NTRK1: variants seen among roughly 807,000 people sequenced by gnomAD.
The protein encoded by NTRK1 is high affinity nerve growth factor receptor.
In NTRK1, 62 loss-of-function variants were observed where a neutral mutation model predicts 86.8. The ratio of observed to expected loss-of-function variants is 0.71; its 90% confidence interval spans 0.58 to 0.88. The LOEUF (loss-of-function observed/expected upper bound fraction) is 0.88, where lower values mean the gene tolerates loss of function less well. NTRK1 is among the 40% of genes least tolerant of loss of function. The pLI, the probability that NTRK1 is intolerant of heterozygous loss-of-function variation, is 0.00. For missense variants in NTRK1, 967 were observed against 1,078.4 expected, an observed-to-expected ratio of 0.90 and a Z score of 1.45; for synonymous variants, 469 against 456.6, an observed-to-expected ratio of 1.03 and a Z score of -0.35.
chr1:156,836,320 C>T (rs1214342575), intron 1 of NTRK1, among the ~76,000 whole-genome samples: 1 of 152,210 alleles, frequency 6.6e-6, no homozygotes, highest in Non-Finnish European at 1.5e-5. Flanking sequence ...AGAGCTTCCA[C>T]AGCTGTGCAT....
intron 1 of NTRK1, among the ~76,000 whole-genome samples, chr1:156,863,261 G>C (rs943624065): frequency 6.6e-6 from 1 of 152,006 alleles, no homozygotes. Flanking sequence ...TTATCTGTCT[G>C]TCTCCCTCCC....
chr1:156,839,289 T>C (rs892408238), intron 1 of NTRK1, among the ~76,000 whole-genome samples: 5 of 152,194 alleles, frequency 3.3e-5, no homozygotes, highest in African/African-American at 1.2e-4. Flanking sequence ...GCACAGAAAG[T>C]CTCATCTCGC....
rs376870955 is a variant in NTRK1 at position 156,861,086 on chromosome 1, C to T, written c.152C>T (p.Thr51Ile). ...CPHGSSGLRC[T>I]RDGALDSLHH... ...CACGGCTCCTCGGGACTGCGATGCA[C>T]CCGGGATGGGGCCCTGGATAGCCTC... Residue 51 changes from threonine (T) to isoleucine (I), a missense_variant, in exon 1 of 17, where the codon ACC becomes ATC. By Grantham distance (89) the Thr-to-Ile change is moderately conservative. Coordinates refer to ENST00000524377, the MANE Select transcript of NTRK1 (RefSeq NM_002529.4). 2.7e-5 allele frequency: 43 copies of T among 1,581,946 alleles called. No homozygotes were observed. The highest frequency in any genetic ancestry group is 3.6e-5 in the Non-Finnish European group (42 of 1,168,336).
chr1:156,821,711 G>A (rs1654196522), intron 1 of NTRK1, among the ~76,000 whole-genome samples: 1 of 152,198 alleles, frequency 6.6e-6, no homozygotes, highest in South Asian at 2.1e-4. Flanking sequence ...TGCTTGGTAA[G>A]CATTTCACTT....
intron 2 of NTRK1, among the ~76,000 whole-genome samples, chr1:156,847,334 CA>C (rs1655047227): frequency 6.6e-6 from 1 of 152,344 alleles, no homozygotes; most frequent in East Asian, 1.9e-4. Context: ...ATTAAGGGGC[CA>C]GAGGCAACTA....
In NTRK1 at chr1:156,840,941, C is replaced by T. The variant is rs780044274; in HGVS notation, c.-63-1140C>T. 1.9e-5 allele frequency: 30 copies of T among 1,613,940 alleles called. No homozygotes were observed. The South Asian group carries it at 1.9e-4, about 10-fold the overall frequency. Reference sequence around the variant, plus strand: ...GTGGGTGAGGAGTCAGGCTCTGCATCGGTGGTAGGCAGGGAGCCCCGGGCC... The same window carrying T: ...GTGGGTGAGGAGTCAGGCTCTGCATTGGTGGTAGGCAGGGAGCCCCGGGCC... On this transcript the variant is annotated intron_variant, in intron 1 of 16. Coordinates refer to the NTRK1 transcript ENST00000392302.
At chr1:156,866,821 T>C in intron 3 of NTRK1, 89 bp from the exon 4 acceptor site, 1 of 1,407,074 alleles carries the variant, frequency 7.1e-7, no homozygotes, top group Non-Finnish European at 1.0e-6. Flanking sequence ...GATGTCAACT[T>C]CTTTCTTGGC....
At chr1:156,875,375 T>G in intron 11 of NTRK1, 145 bp from the exon 12 acceptor site, 1 of 1,108,176 alleles carries the variant, frequency 9.0e-7, no homozygotes, top group Non-Finnish European at 1.4e-6. Context: ...GGTGCCCCCT[T>G]CCCCCTGCCT....
intron 1 of NTRK1, 111 bp downstream of exon 1, chr1:156,861,257 A>G (rs1250174340): frequency 5.4e-6 from 7 of 1,293,770 alleles, no homozygotes; most frequent in African/African-American, 1.5e-5. Flanking sequence ...GCACGGCGGA[A>G]GGCTGGCACC....
rs529304007 is a variant in NTRK1 at position 156,854,416 on chromosome 1, C to T, written c.51-9938C>T. 23 of 1,147,294 alleles carry T rather than the reference C, an allele frequency of 2.0e-5. No individual in the cohort carries two copies. The highest frequency in any genetic ancestry group is 2.5e-5 in the Non-Finnish European group (21 of 823,946). 71.1% of individuals were successfully genotyped at this position (1,147,294 alleles called of 1,614,324 possible). ...GGCAGTAGGACAATGAGTGAGGAGCCGGGCTCTGCTCTGGGTGTGGGGTGG... is the reference window on the plus strand; with the variant it reads ...GGCAGTAGGACAATGAGTGAGGAGCTGGGCTCTGCTCTGGGTGTGGGGTGG... On this transcript the variant is annotated intron_variant, in intron 2 of 16. Coordinates refer to the NTRK1 transcript ENST00000392302. This position sits in a 1 kb window ranked among gnomAD's most constrained non-coding sequence, Gnocchi z 4.2.
chr1:156,823,985 G>T (rs1219466504), intron 1 of NTRK1, among the ~76,000 whole-genome samples: 1 of 152,208 alleles, frequency 6.6e-6, no homozygotes, highest in African/African-American at 2.4e-5. Flanking sequence ...ATCTGCCAGT[G>T]CTGGGCCTGG....
chr1:156,852,202 A>G, intron 2 of NTRK1: 1 of 1,578,418 alleles, frequency 6.3e-7, no homozygotes, highest in Non-Finnish European at 8.6e-7. Context: ...CTGTGGGGAG[A>G]GTGGTGTGTT....
In NTRK1 at chr1:156,833,463, A is replaced by G. The variant is rs536858571; in HGVS notation, c.-63-8618A>G. 2.0e-5 allele frequency among the ~76,000 whole-genome samples: 3 copies of G among 152,240 alleles called. No homozygotes were observed. In the South Asian group the frequency reaches 6.2e-4, roughly 32 times the overall value. On this transcript the variant is annotated intron_variant, in intron 1 of 16. Transcript: ENST00000392302. ...TCCCAGCTACTCGGGAGGCTGAGGC[A>G]GGAGAATTGCTTGACCCTGGGAGGT...
At chr1:156,821,329 A>C (rs1158377401) in intron 1 of NTRK1, among the ~76,000 whole-genome samples, 1 of 152,024 alleles carries the variant, frequency 6.6e-6, no homozygotes, top group Non-Finnish European at 1.5e-5. Flanking sequence ...GATGCCCTTT[A>C]TTTCTTTCCC....
In NTRK1 at chr1:156,854,382, A is replaced by T; in HGVS notation, c.51-9972A>T. 1.4e-6 allele frequency: 2 copies of T among 1,379,680 alleles called. No homozygotes were observed. The highest frequency in any genetic ancestry group is 1.4e-5 in the South Asian group (1 of 72,966). The allele number at this position is 1,379,680 out of a possible 1,614,324, so 85.5% of individuals were successfully genotyped here. A position where few individuals can be genotyped will look rare whatever the true frequency, so the allele number is the denominator to read the frequency against. ...TCCAGCCCTGGCAGCTTTGGAGGGG[A>T]GCCACACTGGCAGTAGGACAATGAG... On this transcript the variant is annotated intron_variant, in intron 2 of 16. Transcript: ENST00000392302. The surrounding 1 kb of genome is among the most constrained non-coding windows in gnomAD (Gnocchi z 4.2).
intron 1 of NTRK1, among the ~76,000 whole-genome samples, chr1:156,820,681 C>T (rs1486397880): frequency 6.6e-6 from 1 of 152,224 alleles, no homozygotes; most frequent in Non-Finnish European, 1.5e-5. Context: ...GTTTTGATAA[C>T]TATAGCCTTG....
chr1:156,819,839 ATTTG>A (rs1654135519), intron 1 of NTRK1, among the ~76,000 whole-genome samples: 1 of 151,570 alleles, frequency 6.6e-6, no homozygotes, highest in Non-Finnish European at 1.5e-5. Flanking sequence ...TTTCTTCCTG[ATTTG>A]TTTGAGTTCC....
At position 156,860,950 on chromosome 1, in the gene NTRK1, C is replaced by G; in HGVS notation, c.16C>G (p.Arg6Gly). The stretch of plus-strand genomic sequence containing the variant: ...CGCCGCCGCGATGCTGCGAGGCGGA[C>G]GGCGCGGGCAGCTTGGCTGGCACAG... MLRGGRRGQLGWHSWA... is the reference protein window; with the variant it reads MLRGGGRGQLGWHSWA... Residue 6 changes from arginine (R) to glycine (G), a missense_variant, in exon 1 of 17, where the codon CGG becomes GGG. Physicochemically the swap from Arg to Gly is moderately radical, Grantham distance 125. Coordinates refer to ENST00000524377, the MANE Select transcript of NTRK1 (RefSeq NM_002529.4). 6.7e-7 allele frequency: 1 copy of G among 1,495,228 alleles called. No homozygotes were observed. The highest frequency in any genetic ancestry group is 1.5e-5 in the African/African-American group (1 of 68,770). 92.6% of individuals were successfully genotyped at this position (1,495,228 alleles called of 1,614,324 possible).
intron 16 of NTRK1, 161 bp downstream of exon 16, chr1:156,880,318 C>T (rs1648184996): frequency 1.4e-6 from 1 of 707,014 alleles, no homozygotes. Flanking sequence ...CACTGTGGCC[C>T]TTTTCTTCTC....
Sources: gnomAD v4.1 joint callset for allele counts (sites outside exome capture counted in the v4.1 genomes callset) on GRCh38, gnomAD v4.1.1 for gene constraint, Gnocchi (gnomAD v3.1) non-coding constraint, MANE v1.5 for transcripts, NCBI Gene and HGNC (gene_info 2026-07-23, HGNC 2026-07-21) for gene names.